The following CADM1 variants were observed in gnomAD, a reference collection of about 807,000 sequenced individuals.
The protein encoded by CADM1 is TSLC-1.
Under a neutral mutation model 53.1 loss-of-function variants are expected in CADM1, and 15 were observed. That is an observed-to-expected ratio of 0.28 (90% CI 0.19 to 0.44). The LOEUF (loss-of-function observed/expected upper bound fraction) is 0.44, where lower values mean the gene tolerates loss of function less well. Among genes scored for constraint, CADM1 ranks in the 20% least tolerant of loss-of-function variants. The pLI is 1.00. For synonymous variants in CADM1, 281 were observed against 243.0 expected, an observed-to-expected ratio of 1.16 and a Z score of -1.45; for missense variants, 434 against 611.3, an observed-to-expected ratio of 0.71 and a Z score of 3.06.
Position 115,170,554 on chromosome 11 carries a change from T to C in CADM1, c.*5920A>G, listed in dbSNP as rs1360206048. On this transcript the variant is annotated 3_prime_UTR_variant, in exon 12 of 12. Transcript: ENST00000331581. Reference sequence around the variant, plus strand: ...AACAGAGAAGATTCTTGCTTTCAGGTCTCAGTTCAGGGATGCTCATGTGTA... The same window carrying C: ...AACAGAGAAGATTCTTGCTTTCAGGCCTCAGTTCAGGGATGCTCATGTGTA... 1 of 146,338 alleles carries C rather than the reference T, an allele frequency of 6.8e-6. No individual in the cohort carries two copies. Among genetic ancestry groups the C allele is most frequent in the Non-Finnish European group, 1.5e-5 (1 of 67,318 alleles). 9.1% of individuals were successfully genotyped at this position (146,338 alleles called of 1,614,324 possible). A position where few individuals can be genotyped will look rare whatever the true frequency, so the allele number is the denominator to read the frequency against.
At chr11:115,177,172 G>A (rs1299122555) in intron 11 of CADM1, among the ~76,000 whole-genome samples, 1 of 152,178 alleles carries the variant, frequency 6.6e-6, no homozygotes, top group Non-Finnish European at 1.5e-5. Context: ...GTTCCAGATT[G>A]AGAAAGAATT....
intron 1 of CADM1, among the ~76,000 whole-genome samples, chr11:115,441,779 A>G (rs2135324887): frequency 6.6e-6 from 1 of 152,294 alleles, no homozygotes; most frequent in East Asian, 1.9e-4. Context: ...AACTCTTGAC[A>G]GCCCTGAGAG....
At chr11:115,284,529 A>G (rs964361044) in intron 1 of CADM1, among the ~76,000 whole-genome samples, 1 of 151,700 alleles carries the variant, frequency 6.6e-6, no homozygotes, top group Non-Finnish European at 1.5e-5. Context: ...AAAAACAGAA[A>G]GGAAAAACGT....
chr11:115,227,118 C>G (rs1941639464), intron 5 of CADM1, among the ~76,000 whole-genome samples: 1 of 152,120 alleles, frequency 6.6e-6, no homozygotes, highest in African/African-American at 2.4e-5. Flanking sequence ...CAGAGTCTCC[C>G]ACAAAAAGGT....
At chr11:115,370,116 A>T (rs1419595533) in intron 1 of CADM1, among the ~76,000 whole-genome samples, 3 of 152,226 alleles carry the variant, frequency 2.0e-5, no homozygotes, top group Non-Finnish European at 4.4e-5. Flanking sequence ...GACACTTCAA[A>T]AAGAATTACG....
chr11:115,453,462 G>C (rs975649267), intron 1 of CADM1, among the ~76,000 whole-genome samples: 1 of 151,486 alleles, frequency 6.6e-6, no homozygotes, highest in African/African-American at 2.4e-5. Flanking sequence ...GTTTTCTCCA[G>C]AAGTGGCTAT....
chr11:115,272,265 C>A (rs1034812107), intron 1 of CADM1, among the ~76,000 whole-genome samples: 14 of 152,170 alleles, frequency 9.2e-5, no homozygotes, highest in African/African-American at 3.4e-4. Context: ...GGATTATACT[C>A]AGTTGCAACA....
At chr11:115,187,080 A>G (rs1252894134) in intron 10 of CADM1, among the ~76,000 whole-genome samples, 18 of 152,278 alleles carry the variant, frequency 1.2e-4, no homozygotes. Context: ...AAAGTATGAT[A>G]CAGATACAAG....
At chr11:115,491,758 G>A (rs182497854) in intron 1 of CADM1, among the ~76,000 whole-genome samples, 171 of 152,172 alleles carry the variant, frequency 1.1e-3, no homozygotes, top group Non-Finnish European at 1.6e-3. Flanking sequence ...TATACCATGC[G>A]ATACCATGCA....
intron 10 of CADM1, among the ~76,000 whole-genome samples, chr11:115,180,297 G>A (rs1939249410): frequency 6.6e-6 from 1 of 152,188 alleles, no homozygotes; most frequent in South Asian, 2.1e-4. Context: ...TATTTAAAGT[G>A]TTTCATTAAG....
rs57796077 is a variant in CADM1 at position 115,419,733 on chromosome 11, G to A, written c.124+84538C>T. On this transcript the variant is annotated intron_variant, in intron 1 of 11. Transcript: ENST00000331581. ...CTGATTAGTTAAACTGGGTGAACAC[G>A]ATGACAGAATGGACCTTAAATGGGA... 8.0e-3 allele frequency among the ~76,000 whole-genome samples: 1,212 copies of A among 152,246 alleles called. 9 individuals are homozygous for A. The highest frequency in any genetic ancestry group is 0.026 in the African/African-American group (1,095 of 41,534).
intron 1 of CADM1, among the ~76,000 whole-genome samples, chr11:115,383,133 T>C (rs1292685754): frequency 1.3e-5 from 2 of 152,216 alleles, no homozygotes; most frequent in Non-Finnish European, 2.9e-5. Flanking sequence ...GATTCTTCTA[T>C]AACATTTTAA....
intron 1 of CADM1, among the ~76,000 whole-genome samples, chr11:115,398,584 C>T (rs1360431449): frequency 6.6e-6 from 1 of 152,174 alleles, no homozygotes; most frequent in African/African-American, 2.4e-5. Flanking sequence ...AACAATGTGA[C>T]AATTATTTAA....
At chr11:115,426,043 GAC>G (rs557277283) in intron 1 of CADM1, among the ~76,000 whole-genome samples, 52 of 152,294 alleles carry the variant, frequency 3.4e-4, no homozygotes, top group Admixed American at 1.0e-3. Context: ...CCCGACCTAA[GAC>G]ACTGAAGGAC....
chr11:115,311,202 A>C (rs1178783829), intron 1 of CADM1, among the ~76,000 whole-genome samples: 1 of 152,202 alleles, frequency 6.6e-6, no homozygotes, highest in Admixed American at 6.5e-5. Flanking sequence ...CAGTAAAATC[A>C]AGTAAAACAA....
intron 1 of CADM1, among the ~76,000 whole-genome samples, chr11:115,465,582 T>C (rs1948882690): frequency 6.6e-6 from 1 of 152,172 alleles, no homozygotes; most frequent in Non-Finnish European, 1.5e-5. Flanking sequence ...GATAGTCCCA[T>C]GACCTCATGA....
chr11:115,372,750 T>C (rs1284933143), intron 1 of CADM1, among the ~76,000 whole-genome samples: 3 of 152,182 alleles, frequency 2.0e-5, no homozygotes, highest in Non-Finnish European at 4.4e-5. Context: ...TATAGTCTAC[T>C]CTAAGAGAGA....
At chr11:115,459,432 T>C (rs1948747706) in intron 1 of CADM1, among the ~76,000 whole-genome samples, 1 of 152,140 alleles carries the variant, frequency 6.6e-6, no homozygotes. Flanking sequence ...ATGAAAAAGC[T>C]ATGAATAAAT....
intron 1 of CADM1, among the ~76,000 whole-genome samples, chr11:115,386,870 T>C (rs1392908460): frequency 1.3e-5 from 2 of 152,200 alleles, no homozygotes; most frequent in African/African-American, 4.8e-5. Context: ...ATAGTTGATA[T>C]ACCCACTATT....
Sources: gnomAD v4.1 joint callset for allele counts (sites outside exome capture counted in the v4.1 genomes callset) on GRCh38, gnomAD v4.1.1 for gene constraint, MANE v1.5 for transcripts, NCBI Gene and HGNC (gene_info 2026-07-23, HGNC 2026-07-21) for gene names.